ANK3: variants seen among roughly 807,000 people sequenced by gnomAD.
ANK3 encodes the protein ankyrin-3.
A neutral mutation model predicts 370.9 loss-of-function variants in ANK3; 57 were observed. The observed-to-expected ratio is 0.15, with a 90% CI of 0.12 to 0.19. The LOEUF is 0.19. ANK3 is among the 10% of genes least tolerant of loss of function. The pLI, the probability that ANK3 is intolerant of heterozygous loss-of-function variation, is 1.00. For synonymous variants in ANK3, 1,929 were observed against 1,946.3 expected, an observed-to-expected ratio of 0.99 and a Z score of 0.23; for missense variants, 4,439 against 5,302.1, an observed-to-expected ratio of 0.84 and a Z score of 5.06.
intron 2 of ANK3, among the ~76,000 whole-genome samples, chr10:60,523,196 C>T (rs2076388577): frequency 6.6e-6 from 1 of 151,878 alleles, no homozygotes; most frequent in Non-Finnish European, 1.5e-5. Context: ...TATTTATGTA[C>T]CAAAAGTAGT....
At chr10:60,205,277 C>T (rs545401720) in intron 11 of ANK3, among the ~76,000 whole-genome samples, 5 of 152,294 alleles carry the variant, frequency 3.3e-5, no homozygotes, top group Admixed American at 6.5e-5. Context: ...GCACCAAGGT[C>T]GTCTTGTGCA....
At chr10:60,263,104 G>A (rs567500018) in intron 6 of ANK3, among the ~76,000 whole-genome samples, 2 of 152,114 alleles carry the variant, frequency 1.3e-5, no homozygotes, top group South Asian at 4.2e-4. Flanking sequence ...TAGACTACAC[G>A]TATATGCATA....
intron 41 of ANK3, among the ~76,000 whole-genome samples, chr10:60,056,310 A>T (rs1165230266): frequency 2.0e-5 from 3 of 152,044 alleles, no homozygotes; most frequent in Non-Finnish European, 4.4e-5. Context: ...CTCTACTAAA[A>T]ATACTAAAAT....
chr10:60,114,444 CATAA>C (rs912842338), intron 25 of ANK3, 113 bp from the exon 26 acceptor site: 27 of 467,868 alleles, frequency 5.8e-5, no homozygotes, highest in African/African-American at 4.8e-4. Context: ...TTACATTCAA[CATAA>C]ATAATTTTTA....
At chr10:60,096,478 T>C (rs1194209087) in intron 28 of ANK3, among the ~76,000 whole-genome samples, 1 of 152,144 alleles carries the variant, frequency 6.6e-6, no homozygotes, top group Non-Finnish European at 1.5e-5. Context: ...AGTTCCTAGC[T>C]CCTAATGCAA....
At chr10:60,382,718 A>C (rs1202094231) in intron 1 of ANK3, among the ~76,000 whole-genome samples, 2 of 151,356 alleles carry the variant, frequency 1.3e-5, no homozygotes, top group African/African-American at 4.8e-5. Context: ...ATTTCTTGAA[A>C]ATAAAATTTG....
intron 1 of ANK3, among the ~76,000 whole-genome samples, chr10:60,684,282 T>A (rs570623959): frequency 2.0e-5 from 3 of 152,308 alleles, no homozygotes; most frequent in African/African-American, 7.2e-5. Flanking sequence ...TAGGACAGTC[T>A]GGCGCGTCGC....
chr10:60,100,128 G>T (rs1200492758), intron 28 of ANK3, among the ~76,000 whole-genome samples: 1 of 151,338 alleles, frequency 6.6e-6, no homozygotes, highest in Non-Finnish European at 1.5e-5. Context: ...TAGTTTGGGG[G>T]ACTGTTCTGC....
chr10:60,671,005 T>C (rs1011582803), intron 1 of ANK3, among the ~76,000 whole-genome samples: 70 of 152,176 alleles, frequency 4.6e-4, no homozygotes, highest in African/African-American at 1.6e-3. Flanking sequence ...AAGCCAAAAA[T>C]AGTTGAATAA....
chr10:60,442,256 T>C (rs901740963), intron 2 of ANK3, among the ~76,000 whole-genome samples: 5 of 151,828 alleles, frequency 3.3e-5, no homozygotes, highest in Non-Finnish European at 7.4e-5. Context: ...CCACCACGCC[T>C]GGCTAATTTT....
chr10:60,392,155 T>G (rs2063124711), upstream of ANK3, among the ~76,000 whole-genome samples: 1 of 152,196 alleles, frequency 6.6e-6, no homozygotes, highest in Non-Finnish European at 1.5e-5. Flanking sequence ...TGTGTACTTA[T>G]TCTCAACACA....
At chr10:60,461,023 C>T (rs942447917) in intron 2 of ANK3, among the ~76,000 whole-genome samples, 1 of 152,090 alleles carries the variant, frequency 6.6e-6, no homozygotes, top group African/African-American at 2.4e-5. Context: ...AGCAGGGATG[C>T]AATTTAAGCA....
intron 1 of ANK3, among the ~76,000 whole-genome samples, chr10:60,681,361 C>T (rs569258729): frequency 3.9e-5 from 6 of 152,166 alleles, no homozygotes; most frequent in Admixed American, 3.3e-4. Flanking sequence ...GGTGCCCTTG[C>T]GAATTTTTCC....
chr10:60,654,648 A>G (rs189660082), intron 1 of ANK3, among the ~76,000 whole-genome samples: 227 of 152,312 alleles, frequency 1.5e-3, no homozygotes, highest in Non-Finnish European at 4.3e-4. Context: ...CATGGTCATG[A>G]CATGTTATCC....
At chr10:60,331,956 CT>C (rs1296535987) in intron 1 of ANK3, among the ~76,000 whole-genome samples, 3 of 148,156 alleles carry the variant, frequency 2.0e-5, no homozygotes, top group Non-Finnish European at 4.4e-5. Context: ...TAGGTAACAT[CT>C]TTTTTTCTTT....
At chr10:60,693,328 C>A (rs537710003) in intron 1 of ANK3, among the ~76,000 whole-genome samples, 2 of 152,324 alleles carry the variant, frequency 1.3e-5, no homozygotes, top group East Asian at 3.9e-4. Context: ...GGGGGAGGGG[C>A]GCCCGCCATT....
intron 7 of ANK3, among the ~76,000 whole-genome samples, chr10:60,240,193 TACACACAC>T (rs1489747733): frequency 1.5e-5 from 2 of 130,684 alleles, no homozygotes; most frequent in African/African-American, 6.2e-5. Context: ...CACATATATA[TACACACAC>T]ACATATATAT....
At chr10:60,134,495 T>G (rs112842811) in intron 24 of ANK3, 122 bp from the exon 25 acceptor site, 5 of 651,344 alleles carry the variant, frequency 7.7e-6, no homozygotes, top group African/African-American at 3.7e-5. Flanking sequence ...AAAGTTGTTC[T>G]TGAAAGGACA....
At chr10:60,490,089 G>A (rs563483510) in intron 2 of ANK3, among the ~76,000 whole-genome samples, 11 of 152,238 alleles carry the variant, frequency 7.2e-5, no homozygotes, top group East Asian at 1.9e-4. Context: ...AAATCAGAGC[G>A]CATATGTAGG....
Sources: allele counts gnomAD v4.1 joint callset (sites outside exome capture counted in the v4.1 genomes callset), GRCh38; gene constraint gnomAD v4.1.1; transcripts MANE v1.5; gene names NCBI Gene and HGNC (gene_info 2026-07-23, HGNC 2026-07-21).